The following ZNF430 variants were observed in gnomAD, a reference collection of about 807,000 sequenced individuals.
ZNF430 encodes zinc finger protein 430.
A neutral mutation model predicts 56.7 loss-of-function variants in ZNF430; 35 were observed. The ratio of observed to expected loss-of-function variants is 0.62; its 90% confidence interval spans 0.47 to 0.82. ZNF430 has a LOEUF of 0.82. Among genes scored for constraint, ZNF430 ranks in the 40% least tolerant of loss-of-function variants. The pLI is 0.00. For missense variants in ZNF430, 574 were observed against 661.0 expected, an observed-to-expected ratio of 0.87 and a Z score of 1.44; for synonymous variants, 212 against 224.3, an observed-to-expected ratio of 0.94 and a Z score of 0.49.
chr19:21,057,881 T>A lies in ZNF430; in HGVS notation c.1573T>A (p.Ser525Thr). The change falls in exon 5 of 5, where the codon TCT becomes ACT. Residue 525 changes from serine to threonine, a missense_variant. Around this residue, in one of 3 missense-constraint regions of ZNF430, gnomAD observed 213 missense variants for 221.0 expected, o/e 0.96. Coordinates refer to ENST00000261560, the MANE Select transcript of ZNF430 (RefSeq NM_025189.4). ...YLECDKAFSQ[S>T]STLTKHKVIH... Reference sequence around the variant, plus strand: ...AGAATGTGATAAAGCCTTTAGCCAGTCTTCAACTCTTACTAAACATAAGGT... The same window carrying A: ...AGAATGTGATAAAGCCTTTAGCCAGACTTCAACTCTTACTAAACATAAGGT... The A allele has an allele frequency of 6.2e-7, 1 of 1,613,972 alleles. No homozygotes were observed. Among genetic ancestry groups the A allele is most frequent in the South Asian group, 1.1e-5 (1 of 91,072 alleles).
At position 21,059,382 on chromosome 19, in the gene ZNF430, A is replaced by G. The variant is rs1968431165; in HGVS notation, c.*1361A>G. The G allele has an allele frequency of 6.6e-6, 1 of 152,110 alleles. No individual in the cohort carries two copies. 9.4% of individuals were successfully genotyped at this position (152,110 alleles called of 1,614,324 possible). A position where few individuals can be genotyped will look rare whatever the true frequency, so the allele number is the denominator to read the frequency against. On this transcript the variant is annotated 3_prime_UTR_variant, in exon 5 of 5. Transcript: ENST00000261560. ...AACATGGAGAAAACACGGCTCTACT[A>G]AAAATACAAAATTAGCCAGCTGTGG...
intron 4 of ZNF430, among the ~76,000 whole-genome samples, chr19:21,054,374 GTT>G (rs940538084): frequency 6.8e-6 from 1 of 147,074 alleles, no homozygotes; most frequent in African/African-American, 2.5e-5. Flanking sequence ...ATTTTTTAAG[GTT>G]TTTTTTTTTT....
At chr19:21,041,043 CAA>C (rs1425908540) in intron 4 of ZNF430, among the ~76,000 whole-genome samples, 1 of 152,102 alleles carries the variant, frequency 6.6e-6, no homozygotes, top group East Asian at 1.9e-4. Context: ...CTATTTGACT[CAA>C]TGCTAAAATG....
chr19:21,025,901 G>A (rs900231056), intron 2 of ZNF430: 6 of 390,200 alleles, frequency 1.5e-5, no homozygotes, highest in African/African-American at 4.3e-5. Flanking sequence ...TTGTCTTTCT[G>A]CAGCCATATC....
At chr19:21,049,079 C>T (rs2144782792) in intron 4 of ZNF430, among the ~76,000 whole-genome samples, 1 of 137,116 alleles carries the variant, frequency 7.3e-6, no homozygotes, top group South Asian at 2.3e-4. Flanking sequence ...GAGACTGAGG[C>T]AGGATAATCA....
chr19:21,052,780 G>A (rs142974812), intron 4 of ZNF430, among the ~76,000 whole-genome samples: 152 of 152,186 alleles, frequency 1.0e-3, no homozygotes, highest in African/African-American at 3.6e-3. Flanking sequence ...GTTGCATCTT[G>A]GTGTGAGAAA....
chr19:21,048,525 C>G (rs1417199353), intron 4 of ZNF430, among the ~76,000 whole-genome samples: 1 of 151,952 alleles, frequency 6.6e-6, no homozygotes, highest in Admixed American at 6.6e-5. Flanking sequence ...TAACAGCATC[C>G]CAAGGCAGAA....
chr19:21,043,110 G>A lies in ZNF430; in HGVS notation c.322+8926G>A, dbSNP rs369260692. On this transcript the variant is annotated intron_variant, in intron 4 of 4. Coordinates refer to ENST00000261560, the MANE Select transcript of ZNF430 (RefSeq NM_025189.4). ...ATAGTTTTTTTGTTGTTGTGCGGAA[G>A]GTTTTTAGTTTAATTAGATTCTATT... Among the ~76,000 whole-genome samples the A allele has an allele frequency of 2.1e-4, 32 of 152,168 alleles. 1 individual carries two copies. The East Asian group carries it at 4.5e-3, about 21-fold the overall frequency.
At chr19:21,033,698 C>T in intron 3 of ZNF430, 116 bp downstream of exon 3, 1 of 1,213,686 alleles carries the variant, frequency 8.2e-7, no homozygotes, top group Non-Finnish European at 1.1e-6. Context: ...GATACTTGTT[C>T]TTAAGAAAAC....
At chr19:21,021,205 T>TA (rs1246283292) in intron 1 of ZNF430, among the ~76,000 whole-genome samples, 2 of 151,990 alleles carry the variant, frequency 1.3e-5, no homozygotes, top group African/African-American at 2.4e-5. Flanking sequence ...TTTCTCCTAT[T>TA]AAAAATGTAC....
At chr19:21,034,448 T>C in intron 4 of ZNF430, 1 of 316,534 alleles carries the variant, frequency 3.2e-6, no homozygotes, top group Non-Finnish European at 5.7e-6. Flanking sequence ...ACTCACAATC[T>C]GACTGCTTTT....
chr19:21,050,926 G>A (rs916226842), intron 4 of ZNF430, among the ~76,000 whole-genome samples: 1 of 152,126 alleles, frequency 6.6e-6, no homozygotes, highest in Non-Finnish European at 1.5e-5. Context: ...TACTCGGGAG[G>A]CTGAGGCAGG....
chr19:21,053,221 A>G (rs1227834313), intron 4 of ZNF430, among the ~76,000 whole-genome samples: 1 of 151,850 alleles, frequency 6.6e-6, no homozygotes, highest in Admixed American at 6.6e-5. Flanking sequence ...ACCCTGACCT[A>G]TAGGCGCCTG....
At chr19:21,054,966 G>T (rs112789865) in intron 4 of ZNF430, among the ~76,000 whole-genome samples, 9,720 of 151,700 alleles carry the variant, frequency 0.064, 1,064 homozygotes, top group African/African-American at 0.22. Flanking sequence ...GAGCCACCGC[G>T]CCCGGCCGTC....
chr19:21,041,146 G>T (rs1402292977), intron 4 of ZNF430, among the ~76,000 whole-genome samples: 1 of 151,814 alleles, frequency 6.6e-6, no homozygotes, highest in African/African-American at 2.4e-5. Flanking sequence ...ATCTATTTTT[G>T]AGATAGAGTC....
chr19:21,021,702 A>C (rs1376222849), intron 1 of ZNF430, among the ~76,000 whole-genome samples: 1 of 152,146 alleles, frequency 6.6e-6, no homozygotes, highest in African/African-American at 2.4e-5. Flanking sequence ...CTTAGTTTGT[A>C]CAATAAAGGT....
chr19:21,023,934 T>A (rs1486053776), intron 2 of ZNF430, among the ~76,000 whole-genome samples: 1 of 152,228 alleles, frequency 6.6e-6, no homozygotes, highest in Non-Finnish European at 1.5e-5. Context: ...TTGCTTTTTT[T>A]ATTGAGGTAT....
intron 4 of ZNF430, chr19:21,035,223 T>G (rs1967974989): frequency 6.6e-6 from 1 of 152,202 alleles, no homozygotes; most frequent in Non-Finnish European, 1.5e-5. Flanking sequence ...AATTTGTGTC[T>G]TCTCTAATTT....
At chr19:21,024,586 T>C (rs1967757224) in intron 2 of ZNF430, among the ~76,000 whole-genome samples, 1 of 152,006 alleles carries the variant, frequency 6.6e-6, no homozygotes. Context: ...GAGACCATCC[T>C]GGCTAACATG....
Sources: allele counts gnomAD v4.1 joint callset (sites outside exome capture counted in the v4.1 genomes callset), GRCh38; gene constraint gnomAD v4.1.1; regional missense constraint gnomAD v4.1.1; transcripts MANE v1.5; gene names NCBI Gene and HGNC (gene_info 2026-07-23, HGNC 2026-07-21).